Variants in PCDH15 observed in about 807,000 individuals in gnomAD.
PCDH15 encodes protocadherin related 15.
Under a neutral mutation model 178.5 loss-of-function variants are expected in PCDH15, and 129 were observed. The observed-to-expected ratio is 0.72, with a 90% CI of 0.63 to 0.84. The LOEUF (loss-of-function observed/expected upper bound fraction) is 0.84. PCDH15 is among the 40% of genes least tolerant of loss of function. The probability of loss-of-function intolerance (pLI) is 0.00; values close to 1 mark genes in which losing one functional copy is unlikely to be tolerated. For missense variants in PCDH15, 2,230 were observed against 2,099.9 expected, an observed-to-expected ratio of 1.06 and a Z score of -1.21; for synonymous variants, 800 against 732.0, an observed-to-expected ratio of 1.09 and a Z score of -1.50.
chr10:54,641,227 A>G (rs1368455409), intron 2 of PCDH15, among the ~76,000 whole-genome samples: 1 of 152,190 alleles, frequency 6.6e-6, no homozygotes, highest in Non-Finnish European at 1.5e-5. Context: ...AAACAATTGC[A>G]TTTGTTTTCA....
chr10:54,449,981 G>T (rs1219446211), intron 3 of PCDH15, among the ~76,000 whole-genome samples: 2 of 151,538 alleles, frequency 1.3e-5, no homozygotes, highest in African/African-American at 4.8e-5. Flanking sequence ...AGTATAGAGA[G>T]TTCTTGAAAA....
intron 8 of PCDH15, among the ~76,000 whole-genome samples, chr10:54,260,347 A>G (rs562093469): frequency 5.3e-5 from 8 of 151,866 alleles, no homozygotes; most frequent in African/African-American, 1.7e-4. Flanking sequence ...TTTATTTAAC[A>G]TGAGTTACCA....
chr10:54,513,215 C>A (rs1302067189), intron 3 of PCDH15, among the ~76,000 whole-genome samples: 1 of 150,608 alleles, frequency 6.6e-6, no homozygotes, highest in Admixed American at 6.7e-5. Flanking sequence ...TTTGATTTGG[C>A]CAAATATTCC....
At chr10:54,988,130 C>T (rs529044332) in intron 2 of PCDH15, among the ~76,000 whole-genome samples, 29 of 152,228 alleles carry the variant, frequency 1.9e-4, no homozygotes, top group African/African-American at 6.5e-4. Context: ...ATCCTTTCAC[C>T]ATTGCTTGCT....
At chr10:54,982,176 A>C (rs1773373036) in intron 2 of PCDH15, among the ~76,000 whole-genome samples, 1 of 152,136 alleles carries the variant, frequency 6.6e-6, no homozygotes, top group African/African-American at 2.4e-5. Flanking sequence ...ATCTTTCAAT[A>C]AAGAGACGTA....
chr10:55,531,318 T>C (rs1387876687), intron 2 of PCDH15, among the ~76,000 whole-genome samples: 2 of 151,968 alleles, frequency 1.3e-5, no homozygotes, highest in Non-Finnish European at 2.9e-5. Context: ...CTATCTTATA[T>C]CAAATCTACT....
chr10:55,225,402 C>T (rs1474726266), intron 1 of PCDH15, among the ~76,000 whole-genome samples: 2 of 151,954 alleles, frequency 1.3e-5, no homozygotes, highest in Non-Finnish European at 2.9e-5. Flanking sequence ...CCCTTTAGAG[C>T]AAGATAGACT....
At chr10:54,238,393 A>G (rs550302772) in intron 8 of PCDH15, among the ~76,000 whole-genome samples, 3 of 152,178 alleles carry the variant, frequency 2.0e-5, no homozygotes, top group Admixed American at 6.5e-5. Flanking sequence ...ATAATTATTG[A>G]CCAATAATTT....
chr10:53,980,886 T>C (rs958399646), intron 21 of PCDH15, among the ~76,000 whole-genome samples: 1 of 152,202 alleles, frequency 6.6e-6, no homozygotes, highest in African/African-American at 2.4e-5. Context: ...ATGATTTAGG[T>C]ATCTTTCTAA....
At chr10:55,523,529 T>C (rs866537325) in intron 2 of PCDH15, among the ~76,000 whole-genome samples, 6 of 151,656 alleles carry the variant, frequency 4.0e-5, no homozygotes, top group African/African-American at 1.2e-4. Context: ...TTACTATCTT[T>C]GTTATTTTGG....
intron 2 of PCDH15, among the ~76,000 whole-genome samples, chr10:55,146,985 T>C (rs1838532262): frequency 6.6e-6 from 1 of 151,716 alleles, no homozygotes; most frequent in Non-Finnish European, 1.5e-5. Flanking sequence ...TTAAAAAGAA[T>C]CTATTTTATT....
intron 3 of PCDH15, among the ~76,000 whole-genome samples, chr10:54,416,495 T>G (rs1235738973): frequency 6.6e-6 from 1 of 152,180 alleles, no homozygotes; most frequent in Non-Finnish European, 1.5e-5. Flanking sequence ...TTGGTGTATA[T>G]GTACCACATT....
At position 54,726,434 on chromosome 10, in the gene PCDH15, GTGTGTGTGT is replaced by G. The variant is rs1566051979; in HGVS notation, c.-28-62153_-28-62145del. Among the ~76,000 whole-genome samples the G allele has an allele frequency of 9.9e-4, 149 of 150,182 alleles. No homozygotes were observed. The East Asian group carries it at 0.014, about 14-fold the overall frequency. On this transcript the variant is annotated intron_variant, in intron 1 of 37. Transcript: ENST00000644397. ...ACCCATCAGGGGTGTGTGTGTGTGT[GTGTGTGTGT>G]GTGTGTGTGTGTGTGTGTGTATTTG... is the stretch of plus-strand genomic sequence containing the variant.
At chr10:54,479,951 T>C (rs1044954797) in intron 3 of PCDH15, among the ~76,000 whole-genome samples, 1 of 152,080 alleles carries the variant, frequency 6.6e-6, no homozygotes, top group Non-Finnish European at 1.5e-5. Flanking sequence ...TGAGTCTGTT[T>C]TTAGTGATTT....
intron 2 of PCDH15, among the ~76,000 whole-genome samples, chr10:54,602,654 T>C (rs921253861): frequency 9.9e-5 from 15 of 151,994 alleles, no homozygotes; most frequent in Non-Finnish European, 1.6e-4. Context: ...ACCTATTGTA[T>C]TGAGAGTTTT....
At chr10:55,244,971 C>A (rs566190119) in intron 1 of PCDH15, among the ~76,000 whole-genome samples, 1 of 152,024 alleles carries the variant, frequency 6.6e-6, no homozygotes, top group Admixed American at 6.6e-5. Flanking sequence ...TACAAATATT[C>A]TTTCTGTCTT....
intron 1 of PCDH15, among the ~76,000 whole-genome samples, chr10:54,721,385 T>C (rs67540007): frequency 0.12 from 18,508 of 151,446 alleles, 1,251 homozygotes; most frequent in African/African-American, 0.17. Context: ...AAGATTATAG[T>C]AAAACTAAAT....
chr10:54,858,797 C>T (rs1409427750), intron 3 of PCDH15, among the ~76,000 whole-genome samples: 4 of 151,640 alleles, frequency 2.6e-5, no homozygotes, highest in African/African-American at 7.3e-5. Context: ...TAATGGGTAA[C>T]GTCTGTGTGG....
chr10:54,687,994 T>C (rs1487158553), intron 1 of PCDH15, among the ~76,000 whole-genome samples: 1 of 152,010 alleles, frequency 6.6e-6, no homozygotes, highest in Non-Finnish European at 1.5e-5. Flanking sequence ...GATTATACAC[T>C]TAAAAATTGG....
Sources: allele counts gnomAD v4.1 joint callset (sites outside exome capture counted in the v4.1 genomes callset), GRCh38; gene constraint gnomAD v4.1.1; transcripts MANE v1.5; gene names NCBI Gene and HGNC (gene_info 2026-07-23, HGNC 2026-07-21).